NR3C2: variants seen among roughly 807,000 people sequenced by gnomAD.
NR3C2 encodes the protein mineralocorticoid receptor.
A neutral mutation model predicts 86.4 loss-of-function variants in NR3C2; 15 were observed. The observed-to-expected ratio is 0.17, with a 90% CI of 0.12 to 0.27. The LOEUF (loss-of-function observed/expected upper bound fraction) is 0.27. Among genes scored for constraint, NR3C2 ranks in the 10% least tolerant of loss-of-function variants. The probability of loss-of-function intolerance (pLI) is 1.00; values close to 1 mark genes in which losing one functional copy is unlikely to be tolerated. For synonymous variants in NR3C2, 458 were observed against 450.5 expected, an observed-to-expected ratio of 1.02 and a Z score of -0.21; for missense variants, 960 against 1,195.6, an observed-to-expected ratio of 0.80 and a Z score of 2.91.
chr4:148,384,381 G>C (rs2126461163), intron 2 of NR3C2, among the ~76,000 whole-genome samples: 1 of 152,162 alleles, frequency 6.6e-6, no homozygotes, highest in South Asian at 2.1e-4. Flanking sequence ...GTCCAGAAGA[G>C]AGTATCATGA....
chr4:148,125,222 A>G (rs564762978), intron 6 of NR3C2, among the ~76,000 whole-genome samples: 1 of 152,374 alleles, frequency 6.6e-6, no homozygotes, highest in African/African-American at 2.4e-5. Context: ...AGACTCATGT[A>G]GTTTAAATTT....
rs146177779 is a variant in NR3C2 at position 148,126,321 on chromosome 4, T to C, written c.2511-6033A>G. ...TTATACTTCACACATGTTAGCTTTA[T>C]TTGGAAATCATGGAGAGAATACAAT... On this transcript the variant is annotated intron_variant, in intron 6 of 8. Transcript: ENST00000358102. Among the ~76,000 whole-genome samples, 436 of 152,376 alleles carry C rather than the reference T, an allele frequency of 2.9e-3. 5 individuals are homozygous for C. The highest frequency in any genetic ancestry group is 1.0e-2 in the African/African-American group (415 of 41,584).
chr4:148,216,572 C>CCTTGG (rs1287776719), intron 3 of NR3C2, among the ~76,000 whole-genome samples: 6 of 152,270 alleles, frequency 3.9e-5, no homozygotes, highest in Admixed American at 6.5e-5. Context: ...CAGTTCTTAG[C>CCTTGG]CTTGGCTGGG....
intron 2 of NR3C2, among the ~76,000 whole-genome samples, chr4:148,416,441 G>A (rs186256506): frequency 1.1e-4 from 16 of 152,296 alleles, no homozygotes; most frequent in Middle Eastern, 3.4e-3. Flanking sequence ...TTTTACAGAT[G>A]AGAACACTGA....
chr4:148,329,818 C>T (rs1189437173), intron 2 of NR3C2, among the ~76,000 whole-genome samples: 10 of 152,176 alleles, frequency 6.6e-5, no homozygotes, highest in Admixed American at 2.6e-4. Flanking sequence ...GTTAAAAATA[C>T]GGAGTGATTT....
intron 2 of NR3C2, among the ~76,000 whole-genome samples, chr4:148,376,278 A>T (rs1746675703): frequency 6.6e-6 from 1 of 152,056 alleles, no homozygotes; most frequent in Non-Finnish European, 1.5e-5. Flanking sequence ...GTAATTCTTG[A>T]GCCTGTGCCA....
intron 2 of NR3C2, among the ~76,000 whole-genome samples, chr4:148,261,963 T>C (rs1740145676): frequency 6.6e-6 from 1 of 152,220 alleles, no homozygotes; most frequent in South Asian, 2.1e-4. Context: ...TCCAAAGTTG[T>C]TTCTCCTTCT....
chr4:148,439,507 C>A (rs1256740817), intron 1 of NR3C2, among the ~76,000 whole-genome samples: 2 of 152,172 alleles, frequency 1.3e-5, no homozygotes, highest in Admixed American at 1.3e-4. Context: ...CTCTGCGTCA[C>A]TCACATAGCC....
intron 6 of NR3C2, among the ~76,000 whole-genome samples, chr4:148,130,828 T>G (rs202078283): frequency 0.43 from 55,263 of 127,962 alleles, 12,834 homozygotes; most frequent in East Asian, 0.68. Flanking sequence ...TGTTTTTTTT[T>G]TTTTTTTTTT....
intron 3 of NR3C2, among the ~76,000 whole-genome samples, chr4:148,223,993 C>T (rs781210405): frequency 6.6e-6 from 1 of 151,806 alleles, no homozygotes; most frequent in African/African-American, 2.4e-5. Flanking sequence ...AAGGTGTTGA[C>T]GATGTTGATT....
At chr4:148,085,304 C>G (rs1730762193) in intron 8 of NR3C2, among the ~76,000 whole-genome samples, 1 of 152,230 alleles carries the variant, frequency 6.6e-6, no homozygotes, top group East Asian at 1.9e-4. Flanking sequence ...TGTCAGACCA[C>G]AGTGCCATCG....
chr4:148,432,200 A>C (rs1472148867), intron 2 of NR3C2, among the ~76,000 whole-genome samples: 1 of 152,102 alleles, frequency 6.6e-6, no homozygotes, highest in Non-Finnish European at 1.5e-5. Context: ...TTAATAGAAG[A>C]CTGCTGGATT....
intron 3 of NR3C2, among the ~76,000 whole-genome samples, chr4:148,228,612 T>C (rs1252460869): frequency 6.6e-6 from 1 of 152,236 alleles, no homozygotes; most frequent in Non-Finnish European, 1.5e-5. Context: ...AGCCTATGAC[T>C]TCCCTTTGCA....
chr4:148,233,341 T>C lies in NR3C2; in HGVS notation c.1897+26637A>G, dbSNP rs150774404. On this transcript the variant is annotated intron_variant, in intron 3 of 8. Transcript: ENST00000358102. ...TGAACACTTAGAGGCCATTGTTGGATTATTAATAGGAATAATTTCTTTAGG... is the reference window on the plus strand; with the variant it reads ...TGAACACTTAGAGGCCATTGTTGGACTATTAATAGGAATAATTTCTTTAGG... Among the ~76,000 whole-genome samples the C allele has an allele frequency of 3.2e-3, 471 of 149,336 alleles. 1 individual carries two copies. Among genetic ancestry groups the C allele is most frequent in the Admixed American group, 5.5e-3 (79 of 14,488 alleles).
chr4:148,116,871 T>C (rs973435219), intron 7 of NR3C2, among the ~76,000 whole-genome samples: 5 of 152,218 alleles, frequency 3.3e-5, no homozygotes, highest in Non-Finnish European at 7.3e-5. Context: ...GTAGTCAACA[T>C]TCATGAAGAA....
At chr4:148,154,480 G>T in intron 5 of NR3C2, 71 bp downstream of exon 5, 1 of 1,382,504 alleles carries the variant, frequency 7.2e-7, no homozygotes, top group African/African-American at 1.4e-5. Flanking sequence ...TGCATGGTTG[G>T]AGATGGCGAA....
At chr4:148,332,316 A>T (rs1442810488) in intron 2 of NR3C2, among the ~76,000 whole-genome samples, 1 of 152,222 alleles carries the variant, frequency 6.6e-6, no homozygotes, top group Non-Finnish European at 1.5e-5. Context: ...TATAATGATC[A>T]CTACCTCTGG....
At chr4:148,178,710 TTC>T (rs1170561148) in intron 4 of NR3C2, among the ~76,000 whole-genome samples, 1 of 151,456 alleles carries the variant, frequency 6.6e-6, no homozygotes, top group Non-Finnish European at 1.5e-5. Context: ...ATTGTCTATA[TTC>T]TCTCAGCCCA....
chr4:148,218,350 A>C (rs1444332634), intron 3 of NR3C2, among the ~76,000 whole-genome samples: 2 of 152,218 alleles, frequency 1.3e-5, no homozygotes, highest in Non-Finnish European at 2.9e-5. Flanking sequence ...CTATCATATA[A>C]ATGATGAAGG....
Sources: gnomAD v4.1 joint callset for allele counts (sites outside exome capture counted in the v4.1 genomes callset) on GRCh38, gnomAD v4.1.1 for gene constraint, MANE v1.5 for transcripts, NCBI Gene and HGNC (gene_info 2026-07-23, HGNC 2026-07-21) for gene names.